LTBP2: variants seen among roughly 807,000 people sequenced by gnomAD.
The protein encoded by LTBP2 is latent-transforming growth factor beta-binding protein 2.
Under a neutral mutation model 210.6 loss-of-function variants are expected in LTBP2, and 103 were observed. That is an observed-to-expected ratio of 0.49 (90% CI 0.42 to 0.58). The LOEUF is 0.58. LTBP2 is among the 20% of genes least tolerant of loss of function. LTBP2 has a pLI of 0.00. For missense variants in LTBP2, 2,313 were observed against 2,494.5 expected, an observed-to-expected ratio of 0.93 and a Z score of 1.55; for synonymous variants, 1,007 against 1,015.0, an observed-to-expected ratio of 0.99 and a Z score of 0.15.
At position 74,588,710 on chromosome 14, in the gene LTBP2, C is replaced by T. The variant is rs764057056; in HGVS notation, c.566-2592G>A. ...ATGAGTGTGACAATAGGCCTGGCAC[C>T]GTGCTCTGCATACACGCTCTCACTG... On this transcript the variant is annotated intron_variant, in intron 2 of 35. Transcript: ENST00000261978. Among the ~76,000 whole-genome samples, 9 of 152,092 alleles carry T rather than the reference C, an allele frequency of 5.9e-5. No individual in the cohort carries two copies. The South Asian group carries it at 1.0e-3, about 18-fold the overall frequency.
intron 3 of LTBP2, among the ~76,000 whole-genome samples, chr14:74,577,075 G>A (rs2088067471): frequency 6.6e-6 from 1 of 151,092 alleles, no homozygotes; most frequent in Non-Finnish European, 1.5e-5. Flanking sequence ...TACTGATTCC[G>A]AGTCTATTCA....
intron 3 of LTBP2, among the ~76,000 whole-genome samples, chr14:74,565,186 C>T (rs2087886490): frequency 6.6e-6 from 1 of 152,172 alleles, no homozygotes; most frequent in African/African-American, 2.4e-5. Flanking sequence ...GCAAAAACTC[C>T]AACCTTGGTT....
intron 30 of LTBP2, 26 bp from the exon 31 acceptor site, chr14:74,504,080 A>G (rs1435504094): frequency 3.1e-6 from 5 of 1,612,760 alleles, no homozygotes. Context: ...CTGAGGTGAG[A>G]GGAAGGTGAG....
At chr14:74,510,361 C>G in intron 19 of LTBP2, 148 bp from the exon 20 acceptor site, 1 of 1,179,416 alleles carries the variant, frequency 8.5e-7, no homozygotes, top group Non-Finnish European at 1.2e-6. Context: ...AGGCCATGCT[C>G]CCTCCTCCCA....
chr14:74,562,635 C>A (rs777753884), intron 3 of LTBP2, among the ~76,000 whole-genome samples: 1 of 151,900 alleles, frequency 6.6e-6, no homozygotes, highest in Non-Finnish European at 1.5e-5. Flanking sequence ...AAAAAAAATA[C>A]AAATATTTCT....
intron 2 of LTBP2, among the ~76,000 whole-genome samples, chr14:74,595,047 C>T (rs1479141073): frequency 3.9e-5 from 6 of 152,336 alleles, no homozygotes; most frequent in East Asian, 1.9e-4. Context: ...CAGTTGTGTT[C>T]GCATAAAACC....
chr14:74,533,900 C>CAT (rs1208469590), intron 9 of LTBP2, among the ~76,000 whole-genome samples: 3 of 152,166 alleles, frequency 2.0e-5, no homozygotes, highest in African/African-American at 7.2e-5. Context: ...AGATGATAAG[C>CAT]ATTAATTGCT....
intron 18 of LTBP2, among the ~76,000 whole-genome samples, chr14:74,514,668 C>A (rs566386325): frequency 6.6e-6 from 1 of 152,306 alleles, no homozygotes; most frequent in East Asian, 1.9e-4. Context: ...ATCCCCTGTC[C>A]GTGGGAACCT....
intron 18 of LTBP2, among the ~76,000 whole-genome samples, chr14:74,513,790 G>A (rs2087102104): frequency 7.3e-6 from 1 of 136,638 alleles, no homozygotes; most frequent in Non-Finnish European, 1.6e-5. Flanking sequence ...GGGTGACAGA[G>A]CGAGACTCTG....
At chr14:74,526,286 C>T (rs115901439) in intron 13 of LTBP2, among the ~76,000 whole-genome samples, 172 bp from the exon 14 acceptor site, 1,731 of 152,358 alleles carry the variant, frequency 0.011, 42 homozygotes, top group African/African-American at 0.039. Flanking sequence ...CTGCCAGGCA[C>T]TTTACACACA....
Position 74,503,338 on chromosome 14 carries a change from A to G in LTBP2, c.4769T>C (p.Val1590Ala), listed in dbSNP as rs139932140. Residue 1590 changes from valine (V) to alanine (A), a missense_variant, in exon 33 of 36, where the codon GTC becomes GCC. This residue lies in a region of LTBP2 where 443 missense variants were observed against 501.4 expected (regional missense o/e 0.88). Transcript: ENST00000261978. ...DIHMDICWKKVTNDVCSEPLR... is the reference protein window; with the variant it reads ...DIHMDICWKKATNDVCSEPLR... ...GGGTTCGCTGCACACATCATTGGTG[A>G]CTTTTTTCCAGCAGATGTCCATGTG... The G allele has an allele frequency of 7.7e-3, 12,471 of 1,613,748 alleles. 74 individuals are homozygous for G. The highest frequency in any genetic ancestry group is 8.0e-3 in the Non-Finnish European group (9,423 of 1,179,972).
rs993270930 is a variant in LTBP2 at position 74,586,069 on chromosome 14, C to T, written c.615G>A (p.Gln205=). ...CQNRGSCSRP[Q]LCVCRSGFRG... ...GGAAACCAGAGCGGCAGACACAGAG[C>T]TGCGGGCGGCTGCAGGAGCCCCGGT... Residue 205 remains glutamine (Q), a synonymous_variant, in exon 3 of 36, where the codon CAG becomes CAA. Coordinates refer to ENST00000261978, the MANE Select transcript of LTBP2 (RefSeq NM_000428.3). This position sits in a 1 kb window ranked among gnomAD's most constrained non-coding sequence, Gnocchi z 4.6. 1.3e-6 allele frequency: 2 copies of T among 1,599,810 alleles called. No homozygotes were observed. The highest frequency in any genetic ancestry group is 8.5e-7 in the Non-Finnish European group (1 of 1,173,740).
At chr14:74,503,155 G>A (rs2086933802) in intron 33 of LTBP2, 64 bp downstream of exon 33, 3 of 1,597,306 alleles carry the variant, frequency 1.9e-6, no homozygotes, top group Non-Finnish European at 2.6e-6. Context: ...GTTCCAAGGT[G>A]AGGGCATCCC....
chr14:74,608,141 C>T (rs1251764123), intron 1 of LTBP2, among the ~76,000 whole-genome samples: 5 of 150,600 alleles, frequency 3.3e-5, no homozygotes, highest in East Asian at 2.0e-4. Flanking sequence ...AGGATGGTCT[C>T]GATCTCCTGA....
chr14:74,562,808 G>A (rs950803248), intron 3 of LTBP2, among the ~76,000 whole-genome samples: 25 of 152,156 alleles, frequency 1.6e-4, no homozygotes, highest in Non-Finnish European at 3.2e-4. Flanking sequence ...CTCGGATGCT[G>A]CTGGCAGGAA....
chr14:74,535,646 G>C (rs1376831480), intron 9 of LTBP2, among the ~76,000 whole-genome samples: 1 of 152,200 alleles, frequency 6.6e-6, no homozygotes, highest in Non-Finnish European at 1.5e-5. Flanking sequence ...TTCAGACACA[G>C]CCCCACATAG....
At chr14:74,535,582 T>A (rs546036338) in intron 9 of LTBP2, among the ~76,000 whole-genome samples, 7 of 152,254 alleles carry the variant, frequency 4.6e-5, no homozygotes, top group Admixed American at 1.3e-4. Flanking sequence ...TTCTTCCCAC[T>A]CCAGGGAGAC....
intron 15 of LTBP2, 100 bp from the exon 16 acceptor site, chr14:74,523,018 T>A: frequency 6.9e-7 from 1 of 1,439,002 alleles, no homozygotes; most frequent in East Asian, 2.4e-5. Flanking sequence ...TCTAGGGGCC[T>A]CAGAAGGCCA....
intron 1 of LTBP2, among the ~76,000 whole-genome samples, chr14:74,610,772 C>T (rs1217320761): frequency 6.6e-6 from 1 of 152,228 alleles, no homozygotes; most frequent in African/African-American, 2.4e-5. Context: ...CTGCAACGCG[C>T]CCAAGTCACG....
Sources: allele counts gnomAD v4.1 joint callset (sites outside exome capture counted in the v4.1 genomes callset), GRCh38; gene constraint gnomAD v4.1.1; regional missense constraint gnomAD v4.1.1; non-coding constraint Gnocchi (gnomAD v3.1); transcripts MANE v1.5; gene names NCBI Gene and HGNC (gene_info 2026-07-23, HGNC 2026-07-21).